Variants in REEP1 observed in about 807,000 individuals in gnomAD.
REEP1 encodes the protein receptor accessory protein 1, also known as receptor expression-enhancing protein 1.
REEP1 carries 22 observed loss-of-function variants against 40.3 expected under a neutral mutation model. The ratio of observed to expected loss-of-function variants is 0.55; its 90% CI spans 0.39 to 0.78. REEP1 has a LOEUF of 0.78. Ranked by LOEUF, REEP1 falls within the 30% of genes least tolerant of loss-of-function variation. The pLI, the probability that REEP1 is intolerant of heterozygous loss-of-function variation, is 0.00. For synonymous variants in REEP1, 116 were observed against 139.2 expected (o/e 0.83, Z 1.17); for missense variants, 280 against 361.1 (o/e 0.78, Z 1.82).
In REEP1 at chr2:86,318,433, C is replaced by G. The variant is rs565145134; in HGVS notation, c.32+19046G>C. Reference sequence around the variant, plus strand: ...TTTTTTTTTGAGATAGAGTCTTGCTCTGTCACCCAGGCTGGAGTGCAGTGG... The same window carrying G: ...TTTTTTTTTGAGATAGAGTCTTGCTGTGTCACCCAGGCTGGAGTGCAGTGG... On this transcript the variant is annotated intron_variant, in intron 1 of 8. Coordinates refer to ENST00000538924, the MANE Select transcript of REEP1 (RefSeq NM_001371279.1). 5.9e-5 allele frequency among the ~76,000 whole-genome samples: 8 copies of G among 135,860 alleles called. No individual in the cohort carries two copies. The Admixed American group carries it at 6.7e-4, about 11-fold the overall frequency. 89.1% of individuals were successfully genotyped at this position (135,860 alleles called of 152,430 possible).
intron 5 of REEP1, among the ~76,000 whole-genome samples, chr2:86,246,892 G>GTA (rs1675993922): frequency 6.6e-6 from 1 of 151,762 alleles, no homozygotes; most frequent in Non-Finnish European, 1.5e-5. Context: ...GTGGAGACAG[G>GTA]GTTTCTCCAT....
intron 5 of REEP1, among the ~76,000 whole-genome samples, chr2:86,239,547 A>G (rs1283652201): frequency 6.6e-6 from 1 of 152,210 alleles, no homozygotes; most frequent in Non-Finnish European, 1.5e-5. Context: ...ACTTCCTTCC[A>G]AACCCCATGG....
At chr2:86,247,853 G>A (rs866136187) in intron 5 of REEP1, among the ~76,000 whole-genome samples, 1 of 152,112 alleles carries the variant, frequency 6.6e-6, no homozygotes, top group East Asian at 1.9e-4. Flanking sequence ...TTATAGGAAT[G>A]AGCCACCATG....
rs963063397 is a variant in REEP1 at position 86,216,691 on chromosome 2, A to C, written c.*348T>G. 4.7e-6 allele frequency: 1 copy of C among 213,830 alleles called. No homozygotes were observed. Among genetic ancestry groups the C allele is most frequent in the Admixed American group, 5.2e-5 (1 of 19,070 alleles). 13.2% of individuals were successfully genotyped at this position (213,830 alleles called of 1,614,324 possible). A position where few individuals can be genotyped will look rare whatever the true frequency, so the allele number is the denominator to read the frequency against. ...CTAAAAACTAAGTATGCAACAGATA[A>C]ATTACAAATGTACATCTCAGCAGCA... On this transcript the variant is annotated 3_prime_UTR_variant, in exon 9 of 9. Coordinates refer to ENST00000538924, the MANE Select transcript of REEP1 (RefSeq NM_001371279.1).
At chr2:86,327,584 T>TG (rs1680572312) in intron 1 of REEP1, among the ~76,000 whole-genome samples, 1 of 150,340 alleles carries the variant, frequency 6.7e-6, no homozygotes, top group Middle Eastern at 3.4e-3. Flanking sequence ...TTTTTTTTTT[T>TG]GGAGATGGGG....
rs138781553 is a variant in REEP1 at position 86,222,016 on chromosome 2, C to T, written c.632-1895G>A. ...GCCTCTGCATATGCTGTACCCTCCA[C>T]ATCCAGGTCCAGGGCTTTCCCTGTA... On this transcript the variant is annotated intron_variant, in intron 7 of 8. Transcript: ENST00000538924. Among the ~76,000 whole-genome samples the T allele has an allele frequency of 2.0e-5, 3 of 152,296 alleles. No individual in the cohort carries two copies. The East Asian group carries it at 5.8e-4, about 29-fold the overall frequency.
intron 1 of REEP1, among the ~76,000 whole-genome samples, chr2:86,326,053 C>T (rs1424676737): frequency 6.6e-6 from 1 of 152,130 alleles, no homozygotes; most frequent in East Asian, 1.9e-4. Flanking sequence ...AGGACTTATC[C>T]CTACAATTTC....
chr2:86,280,621 G>A (rs1678029770), intron 2 of REEP1, among the ~76,000 whole-genome samples: 1 of 152,214 alleles, frequency 6.6e-6, no homozygotes, highest in South Asian at 2.1e-4. Context: ...AGGAGGTTCT[G>A]TGCTTGCAAT....
rs1438409712 is a variant in REEP1, at chr2:86,216,937, C to T, written c.*102G>A. 1.0e-6 allele frequency: 1 copy of T among 959,002 alleles called. No individual in the cohort carries two copies. Among genetic ancestry groups the T allele is most frequent in the Non-Finnish European group, 1.7e-6 (1 of 603,702 alleles). The allele number at this position is 959,002 out of a possible 1,614,324, so 59.4% of individuals were successfully genotyped here. The stretch of plus-strand genomic sequence containing the variant: ...AAGGCCATGTTTGTGAGGCTGCACA[C>T]TCAAAGCACACCCAGCTTGCGGATT... On this transcript the variant is annotated 3_prime_UTR_variant, in exon 9 of 9. Transcript: ENST00000538924.
At chr2:86,230,018 C>T (rs1402890781) in intron 6 of REEP1, among the ~76,000 whole-genome samples, 1 of 152,212 alleles carries the variant, frequency 6.6e-6, no homozygotes, top group Non-Finnish European at 1.5e-5. Context: ...CCTCTTTGCC[C>T]CCTGTGGTCA....
upstream of REEP1, chr2:86,337,711 C>A (rs1445067515): frequency 9.3e-6 from 9 of 963,698 alleles, no homozygotes; most frequent in Non-Finnish European, 1.1e-5. The surrounding 1 kb of genome is among the most constrained non-coding windows in gnomAD (Gnocchi z 5.8). Context: ...CCCCAGCCCC[C>A]CGGGGCTCGG....
intron 1 of REEP1, among the ~76,000 whole-genome samples, chr2:86,310,535 C>A (rs1290680859): frequency 2.0e-5 from 3 of 151,972 alleles, no homozygotes; most frequent in African/African-American, 7.3e-5. Flanking sequence ...CAGAACATAC[C>A]CCTATTATTA....
chr2:86,271,535 C>G (rs1677451275), intron 2 of REEP1, among the ~76,000 whole-genome samples: 1 of 151,968 alleles, frequency 6.6e-6, no homozygotes, highest in South Asian at 2.1e-4. Context: ...AATTCTATAC[C>G]CAGCAAAAAT....
At chr2:86,337,889 G>C, upstream of REEP1, 1 of 941,404 alleles carries the variant, frequency 1.1e-6, no homozygotes, top group South Asian at 1.6e-5. This position sits in a 1 kb window ranked among gnomAD's most constrained non-coding sequence, Gnocchi z 5.8. Flanking sequence ...AGGGACCCGG[G>C]TGCTGCCCCA....
intron 7 of REEP1, among the ~76,000 whole-genome samples, chr2:86,220,489 C>A (rs1674358136): frequency 6.6e-6 from 1 of 152,180 alleles, no homozygotes; most frequent in South Asian, 2.1e-4. Flanking sequence ...GATCCCACAC[C>A]AGGTGAATGC....
At chr2:86,308,747 T>C (rs1408396256) in intron 1 of REEP1, among the ~76,000 whole-genome samples, 7 of 152,172 alleles carry the variant, frequency 4.6e-5, no homozygotes, top group Non-Finnish European at 7.4e-5. Context: ...GTTCCTCACT[T>C]GTAAAGTGGG....
At chr2:86,221,668 TG>T (rs1045719867) in intron 7 of REEP1, among the ~76,000 whole-genome samples, 2 of 152,168 alleles carry the variant, frequency 1.3e-5, no homozygotes, top group Admixed American at 6.5e-5. Context: ...ATCCTGAGAC[TG>T]GGGGGCCATG....
At chr2:86,232,503 AC>A in intron 6 of REEP1, 121 bp downstream of exon 6, 2 of 1,184,222 alleles carry the variant, frequency 1.7e-6, no homozygotes, top group Non-Finnish European at 2.4e-6. Context: ...TCTGATGGAC[AC>A]CCCGTTGGTG....
chr2:86,318,969 T>C (rs548377584), intron 1 of REEP1, among the ~76,000 whole-genome samples: 8 of 152,194 alleles, frequency 5.3e-5, no homozygotes, highest in Non-Finnish European at 7.3e-5. Flanking sequence ...TTTGTAAACA[T>C]TGATATTCGA....
Sources: gnomAD v4.1 joint callset for allele counts (sites outside exome capture counted in the v4.1 genomes callset) on GRCh38, gnomAD v4.1.1 for gene constraint, Gnocchi (gnomAD v3.1) non-coding constraint, MANE v1.5 for transcripts, NCBI Gene and HGNC (gene_info 2026-07-23, HGNC 2026-07-21) for gene names.